The following TMPRSS3 variants were observed in gnomAD, a reference collection of about 807,000 sequenced individuals.
The protein encoded by TMPRSS3 is transmembrane protease serine 3.
A neutral mutation model predicts 59.6 loss-of-function variants in TMPRSS3; 55 were observed. That is an observed-to-expected ratio of 0.92 (90% CI 0.74 to 1.16). The LOEUF (loss-of-function observed/expected upper bound fraction) is 1.16, where lower values mean the gene tolerates loss of function less well. Ranked by LOEUF, TMPRSS3 falls within the 50% of genes most tolerant of loss-of-function variation. The probability of loss-of-function intolerance (pLI) is 0.00; values close to 1 mark genes in which losing one functional copy is unlikely to be tolerated. For synonymous variants in TMPRSS3, 257 were observed against 237.7 expected (o/e 1.08, Z -0.75); for missense variants, 596 against 579.4 (o/e 1.03, Z -0.29).
At chr21:42,380,030 A>C (rs138926733) in intron 10 of TMPRSS3, 87 bp downstream of exon 10, 1 of 1,136,522 alleles carries the variant, frequency 8.8e-7, no homozygotes, top group Non-Finnish European at 1.3e-6. Flanking sequence ...CCATGGGAAC[A>C]TCACAATGGG....
intron 3 of TMPRSS3, 128 bp from the exon 4 acceptor site, chr21:42,389,173 C>G: frequency 6.5e-7 from 1 of 1,529,516 alleles, no homozygotes; most frequent in Non-Finnish European, 8.8e-7. Flanking sequence ...AATTGCGTCC[C>G]TGTCAGCAGC....
At position 42,372,071 on chromosome 21, in the gene TMPRSS3, G is replaced by C; in HGVS notation, c.*691C>G. Reference sequence around the variant, plus strand: ...GGTTCTGGTCCCTAGAGATGAAAACGTGCAGTGACTGCAGTTCTGCACTTC... The same window carrying C: ...GGTTCTGGTCCCTAGAGATGAAAACCTGCAGTGACTGCAGTTCTGCACTTC... On this transcript the variant is annotated 3_prime_UTR_variant, in exon 13 of 13. Transcript: ENST00000644384. The C allele has an allele frequency of 2.2e-6, 1 of 454,340 alleles. No homozygotes were observed. The highest frequency in any genetic ancestry group is 1.6e-5 in the South Asian group (1 of 64,478). 28.1% of individuals were successfully genotyped at this position (454,340 alleles called of 1,614,324 possible). A position where few individuals can be genotyped will look rare whatever the true frequency, so the allele number is the denominator to read the frequency against.
chr21:42,383,367 G>A (rs921251822), intron 7 of TMPRSS3, 169 bp from the exon 8 acceptor site: 3 of 723,674 alleles, frequency 4.1e-6, no homozygotes, highest in Non-Finnish European at 7.0e-6. Flanking sequence ...AGGGGAGGTG[G>A]TCAGGCTCTT....
intron 9 of TMPRSS3, among the ~76,000 whole-genome samples, chr21:42,380,674 G>A (rs9325633): frequency 0.04 from 6,060 of 152,316 alleles, 397 homozygotes; most frequent in African/African-American, 0.14. Flanking sequence ...CACAGTGTGG[G>A]TGTTGCCTAT....
chr21:42,377,082 CTT>C (rs1245265444), intron 10 of TMPRSS3, among the ~76,000 whole-genome samples: 1 of 152,242 alleles, frequency 6.6e-6, no homozygotes, highest in African/African-American at 2.4e-5. Context: ...CACTCAGCGT[CTT>C]TGTGAACTCT....
chr21:42,380,046 G>C, intron 10 of TMPRSS3, 71 bp downstream of exon 10: 1 of 1,310,848 alleles, frequency 7.6e-7, no homozygotes, highest in Admixed American at 1.8e-5. Flanking sequence ...ATGGGACATT[G>C]GGGGAGCCCC....
chr21:42,390,248 T>A lies in TMPRSS3; in HGVS notation c.95-211A>T, dbSNP rs1601533198. 4 of 581,632 alleles carry A rather than the reference T, an allele frequency of 6.9e-6. No homozygotes were observed. The South Asian group carries it at 7.6e-5, about 11-fold the overall frequency. 36.0% of individuals were successfully genotyped at this position (581,632 alleles called of 1,614,324 possible). A position where few individuals can be genotyped will look rare whatever the true frequency, so the allele number is the denominator to read the frequency against. ...CTCCACCTCTGACCCGGTTATTCCATGGGGGATGAGGGGATGTGCTATGGG... is the reference window on the plus strand; with the variant it reads ...CTCCACCTCTGACCCGGTTATTCCAAGGGGGATGAGGGGATGTGCTATGGG... On this transcript the variant is annotated intron_variant, in intron 2 of 12. Transcript: ENST00000644384.
chr21:42,395,777 T>C (rs1232314579), intron 1 of TMPRSS3, 165 bp downstream of exon 1: 41 of 397,900 alleles, frequency 1.0e-4, no homozygotes, highest in South Asian at 7.9e-4. Flanking sequence ...GGACTCCCTC[T>C]CACCATTTAG....
intron 8 of TMPRSS3, chr21:42,382,742 C>T: frequency 2.0e-6 from 1 of 506,774 alleles, no homozygotes; most frequent in South Asian, 2.1e-5. Flanking sequence ...ATGGGAAGGT[C>T]TAGGTCCTTT....
intron 7 of TMPRSS3, 89 bp from the exon 8 acceptor site, chr21:42,383,287 C>T: frequency 2.8e-6 from 4 of 1,411,986 alleles, no homozygotes; most frequent in Middle Eastern, 3.7e-4. Context: ...TCCTCTCTCC[C>T]CACCCTCACT....
chr21:42,372,836 A>T, intron 12 of TMPRSS3, 57 bp from the exon 13 acceptor site: 1 of 1,598,904 alleles, frequency 6.3e-7, no homozygotes, highest in South Asian at 1.1e-5. Context: ...TCCGTCCAAC[A>T]TGATGACGGA....
chr21:42,380,485 T>A (rs1042549135), intron 9 of TMPRSS3, among the ~76,000 whole-genome samples: 1 of 152,172 alleles, frequency 6.6e-6, no homozygotes, highest in Non-Finnish European at 1.5e-5. Flanking sequence ...AAGGGCTGAA[T>A]AGTCAATGTT....
rs1158527087 is a variant in TMPRSS3 at position 42,372,627 on chromosome 21, G to T, written c.*135C>A. 1 of 898,080 alleles carries T rather than the reference G, an allele frequency of 1.1e-6. No individual in the cohort carries two copies. Among genetic ancestry groups the T allele is most frequent in the Non-Finnish European group, 1.9e-6 (1 of 527,174 alleles). 55.6% of individuals were successfully genotyped at this position (898,080 alleles called of 1,614,324 possible). A position where few individuals can be genotyped will look rare whatever the true frequency, so the allele number is the denominator to read the frequency against. On this transcript the variant is annotated 3_prime_UTR_variant, in exon 13 of 13. Transcript: ENST00000644384. ...ATCAGATGGAAGGGTGCCTCTTTCG[G>T]GCCTGCTACTGGTGCCGGAACTCAG... is the stretch of plus-strand genomic sequence containing the variant.
intron 7 of TMPRSS3, 182 bp from the exon 8 acceptor site, chr21:42,383,380 G>A (rs1170990595): frequency 7.6e-6 from 5 of 659,976 alleles, no homozygotes; most frequent in African/African-American, 7.2e-5. Flanking sequence ...AGGCTCTTGG[G>A]GAGACCTGAG....
At chr21:42,377,732 C>G (rs1601517455) in intron 10 of TMPRSS3, among the ~76,000 whole-genome samples, 1 of 152,130 alleles carries the variant, frequency 6.6e-6, no homozygotes, top group South Asian at 2.1e-4. Flanking sequence ...ATGACAGGAC[C>G]CTGAGGGGCT....
chr21:42,385,561 C>T (rs377239692), intron 5 of TMPRSS3, 27 bp from the exon 6 acceptor site: 19 of 1,613,502 alleles, frequency 1.2e-5, no homozygotes, highest in South Asian at 6.6e-5. Flanking sequence ...AAGACAGACC[C>T]GACGTGGTAA....
Position 42,375,761 on chromosome 21 carries a change from G to A in TMPRSS3, c.1299C>T (p.Tyr433=), listed in dbSNP as rs1237147270. The change falls in exon 12 of 13, where the codon TAC becomes TAT. Residue 433 remains tyrosine (Y), a synonymous_variant. Coordinates refer to ENST00000644384, the MANE Select transcript of TMPRSS3 (RefSeq NM_001256317.3). ...AGTCCAGGAAGGAGGTGACACGGGTGTACACCCCAGGCTTGTTCACCTCTG... is the reference window on the plus strand; with the variant it reads ...AGTCCAGGAAGGAGGTGACACGGGTATACACCCCAGGCTTGTTCACCTCTG... ...GCAEVNKPGV[Y]TRVTSFLDWI... is the part of the protein sequence containing the mutation. 3 of 1,613,804 alleles carry A rather than the reference G, an allele frequency of 1.9e-6. No individual in the cohort carries two copies. Among genetic ancestry groups the A allele is most frequent in the African/African-American group, 1.3e-5 (1 of 75,046 alleles).
rs1259173797 is a variant in TMPRSS3 at position 42,382,100 on chromosome 21, G to T, written c.917C>A (p.Ala306Asp). Residue 306 changes from alanine to aspartate, a missense_variant, in exon 9 of 13, where the codon GCC becomes GAC. By Grantham distance (126) the Ala-to-Asp change is moderately radical (BLOSUM62 -2). Coordinates refer to ENST00000644384, the MANE Select transcript of TMPRSS3 (RefSeq NM_001256317.3). ...YKPKRLGNDIALMKLAGPLTF... is the reference protein window; with the variant it reads ...YKPKRLGNDIDLMKLAGPLTF... ...GAGTGGCCCGGCCAGCTTCATAAGG[G>T]CGATGTCATTGCCCAGCCTCTTTGG... The T allele has an allele frequency of 5.6e-6, 9 of 1,614,218 alleles. No homozygotes were observed. Among genetic ancestry groups the T allele is most frequent in the Non-Finnish European group, 7.6e-6 (9 of 1,180,044 alleles).
At chr21:42,382,995 G>T in intron 8 of TMPRSS3, 38 bp downstream of exon 8, 1 of 1,612,886 alleles carries the variant, frequency 6.2e-7, no homozygotes, top group Non-Finnish European at 8.5e-7. Flanking sequence ...TGACCCAGGA[G>T]TGAACAGGGG....
Sources: allele counts gnomAD v4.1 joint callset (sites outside exome capture counted in the v4.1 genomes callset), GRCh38; gene constraint gnomAD v4.1.1; transcripts MANE v1.5; gene names NCBI Gene and HGNC (gene_info 2026-07-23, HGNC 2026-07-21).